The following ZFHX3 variants were observed in gnomAD, a reference collection of about 807,000 sequenced individuals.
The protein encoded by ZFHX3 is zinc finger homeobox protein 3.
ZFHX3 carries 42 observed loss-of-function variants against 279.1 expected under a neutral mutation model. That is an observed-to-expected ratio of 0.15 (90% CI 0.12 to 0.19). The LOEUF is 0.19. ZFHX3 is among the 10% of genes least tolerant of loss of function. ZFHX3 has a pLI of 1.00. For missense variants in ZFHX3, 4,981 were observed against 4,754.0 expected, an observed-to-expected ratio of 1.05 and a Z score of -1.40; for synonymous variants, 2,293 against 1,957.8, an observed-to-expected ratio of 1.17 and a Z score of -4.52.
intron 4 of ZFHX3, among the ~76,000 whole-genome samples, chr16:72,844,550 C>T (rs1003181671): frequency 6.6e-6 from 1 of 152,044 alleles, no homozygotes. Context: ...AGGCCCAAAA[C>T]ACACTGGGGC....
chr16:73,442,203 C>T (rs1024566345), intron 3 of ZFHX3, among the ~76,000 whole-genome samples: 5 of 152,156 alleles, frequency 3.3e-5, no homozygotes. Flanking sequence ...AGGGAAAGGA[C>T]ATTCATGTTA....
intron 1 of ZFHX3, among the ~76,000 whole-genome samples, chr16:73,013,796 C>T (rs1964001400): frequency 6.6e-6 from 1 of 152,108 alleles, no homozygotes; most frequent in South Asian, 2.1e-4. Context: ...GCTTTGCCCT[C>T]CTGAGCCACC....
chr16:73,641,408 G>T (rs1350738711), intron 2 of ZFHX3, among the ~76,000 whole-genome samples: 2 of 152,154 alleles, frequency 1.3e-5, no homozygotes, highest in Admixed American at 1.3e-4. Flanking sequence ...GCGGCCCCCT[G>T]AAGTGCACGC....
At chr16:73,202,758 C>A (rs2011653972) in intron 5 of ZFHX3, among the ~76,000 whole-genome samples, 1 of 152,056 alleles carries the variant, frequency 6.6e-6, no homozygotes, top group South Asian at 2.1e-4. Context: ...TTTTGCAGGT[C>A]CTTCTCTCTG....
intron 8 of ZFHX3, among the ~76,000 whole-genome samples, chr16:73,075,231 T>C (rs1021339460): frequency 1.3e-5 from 2 of 152,072 alleles, no homozygotes; most frequent in Non-Finnish European, 2.9e-5. Flanking sequence ...GAAGGATCAC[T>C]TAAGCCCAGG....
At chr16:73,278,403 T>G (rs2014360778) in intron 4 of ZFHX3, among the ~76,000 whole-genome samples, 1 of 152,018 alleles carries the variant, frequency 6.6e-6, no homozygotes, top group Non-Finnish European at 1.5e-5. Flanking sequence ...GTGTCTGGAG[T>G]TGGTTCCTTC....
intron 1 of ZFHX3, among the ~76,000 whole-genome samples, chr16:73,750,642 A>G (rs767974877): frequency 9.9e-5 from 15 of 152,140 alleles, no homozygotes; most frequent in Non-Finnish European, 4.4e-5. Context: ...GAGCTAGTGG[A>G]AAAAAGCCAT....
intron 2 of ZFHX3, among the ~76,000 whole-genome samples, chr16:73,535,177 C>A (rs536796074): frequency 1.3e-5 from 2 of 152,140 alleles, no homozygotes; most frequent in Non-Finnish European, 2.9e-5. Context: ...AGTAGCACCC[C>A]ATAATAGCCT....
At chr16:73,491,528 C>G (rs825840) in intron 2 of ZFHX3, among the ~76,000 whole-genome samples, 78,168 of 152,078 alleles carry the variant, frequency 0.51, 21,548 homozygotes, top group East Asian at 0.96. Flanking sequence ...TTCAGAAATC[C>G]GTGGCATCCT....
chr16:72,824,558 C>T (rs973825721), intron 5 of ZFHX3, among the ~76,000 whole-genome samples: 3 of 152,106 alleles, frequency 2.0e-5, no homozygotes, highest in African/African-American at 7.2e-5. Context: ...CCCTCCAACC[C>T]GCATTTTTCA....
At chr16:73,644,928 G>A (rs2052605095) in intron 2 of ZFHX3, among the ~76,000 whole-genome samples, 1 of 152,182 alleles carries the variant, frequency 6.6e-6, no homozygotes, top group African/African-American at 2.4e-5. Flanking sequence ...AGCAGAGGCT[G>A]ACACGAAGAT....
intron 2 of ZFHX3, among the ~76,000 whole-genome samples, chr16:73,578,056 T>C (rs2143818052): frequency 6.6e-6 from 1 of 152,340 alleles, no homozygotes; most frequent in Non-Finnish European, 1.5e-5. Context: ...ACAAACCAAA[T>C]GGATGTGTGG....
chr16:73,418,010 A>G (rs1221260064), intron 3 of ZFHX3, among the ~76,000 whole-genome samples: 1 of 150,510 alleles, frequency 6.6e-6, no homozygotes, highest in Non-Finnish European at 1.5e-5. Context: ...AAAAAAAAAA[A>G]AAGGAAAAAG....
intron 5 of ZFHX3, among the ~76,000 whole-genome samples, chr16:73,155,207 A>G (rs558355534): frequency 2.6e-5 from 4 of 152,058 alleles, no homozygotes; most frequent in Admixed American, 1.3e-4. Context: ...AAAAAAAGGA[A>G]AAAATAAAAA....
At chr16:73,164,211 T>G (rs780949657) in intron 5 of ZFHX3, among the ~76,000 whole-genome samples, 2 of 152,234 alleles carry the variant, frequency 1.3e-5, no homozygotes, top group Non-Finnish European at 2.9e-5. Context: ...TGTCCTTCAA[T>G]AATGCTAGGC....
At chr16:73,524,879 C>G (rs2019666098) in intron 2 of ZFHX3, among the ~76,000 whole-genome samples, 1 of 152,150 alleles carries the variant, frequency 6.6e-6, no homozygotes, top group Non-Finnish European at 1.5e-5. Context: ...AATATTTGCT[C>G]TATTTTCACA....
In ZFHX3 at chr16:72,787,070, A is replaced by C. The variant is rs545266120; in HGVS notation, c.*94T>G. 3 of 1,120,044 alleles carry C rather than the reference A, an allele frequency of 2.7e-6. No individual in the cohort carries two copies. The highest frequency in any genetic ancestry group is 3.4e-6 in the Non-Finnish European group (3 of 873,842). 69.4% of individuals were successfully genotyped at this position (1,120,044 alleles called of 1,614,324 possible). A position where few individuals can be genotyped will look rare whatever the true frequency, so the allele number is the denominator to read the frequency against. ...TTTTTTTTTTTTGTTTTTTGGTTAG[A>C]AGCTTTGGAATTGCAGTTAGTCTAT... On this transcript the variant is annotated 3_prime_UTR_variant, in exon 10 of 10. Transcript: ENST00000268489.
chr16:72,929,812 G>A (rs1012870374), intron 3 of ZFHX3, among the ~76,000 whole-genome samples: 7 of 152,238 alleles, frequency 4.6e-5, no homozygotes, highest in Non-Finnish European at 1.0e-4. Context: ...CATCAGCTGT[G>A]GGAAAGGAGA....
rs139966531 is a variant in ZFHX3 at position 73,481,598 on chromosome 16, G to A, written c.-1546-25340C>T. 5.7e-3 allele frequency among the ~76,000 whole-genome samples: 860 copies of A among 151,164 alleles called. 5 individuals carry two copies. The highest frequency in any genetic ancestry group is 7.5e-3 in the Non-Finnish European group (507 of 67,944). On this transcript the variant is annotated intron_variant, in intron 2 of 17. Transcript: ENST00000641206. The stretch of plus-strand genomic sequence containing the variant: ...CACAGGTGCATGCCAGCCATGCCTG[G>A]TTAATGTGCGTGGTGTTGTTTTTTT...
Sources: allele counts gnomAD v4.1 joint callset (sites outside exome capture counted in the v4.1 genomes callset), GRCh38; gene constraint gnomAD v4.1.1; transcripts MANE v1.5; gene names NCBI Gene and HGNC (gene_info 2026-07-23, HGNC 2026-07-21).